TNFSF4: variants seen among roughly 807,000 people sequenced by gnomAD.
The protein encoded by TNFSF4 is TNF superfamily member 4, also known as tumor necrosis factor ligand superfamily member 4.
A neutral mutation model predicts 7.3 loss-of-function variants in TNFSF4; 4 were observed. The ratio of observed to expected loss-of-function variants is 0.55; its 90% CI spans 0.27 to 1.25. The LOEUF is 1.25. Ranked by LOEUF, TNFSF4 falls within the 50% of genes most tolerant of loss-of-function variation. The probability of loss-of-function intolerance (pLI) is 0.12; values close to 1 mark genes in which losing one functional copy is unlikely to be tolerated. For synonymous variants in TNFSF4, 76 were observed against 83.7 expected (o/e 0.91, Z 0.50); for missense variants, 181 against 208.8 (o/e 0.87, Z 0.82).
chr1:173,382,287 T>C, the TNFSF4 span, among the ~76,000 whole-genome samples: 6 of 152,046 alleles, frequency 3.9e-5, no homozygotes, highest in South Asian at 2.1e-4. Context: ...GAAATCAAGC[T>C]AGACCACGAA....
At chr1:173,366,234 T>C in the TNFSF4 span, among the ~76,000 whole-genome samples, 2,362 of 152,234 alleles carry the variant, frequency 0.016, 70 homozygotes, top group African/African-American at 0.054. Context: ...CTAGTGTCTA[T>C]CAACAGATGA....
At chr1:173,196,531 TCTA>T (rs1339693874) in intron 1 of TNFSF4, among the ~76,000 whole-genome samples, 1 of 152,098 alleles carries the variant, frequency 6.6e-6, no homozygotes. Flanking sequence ...TCTCATCGAG[TCTA>T]CTAAGTAACG....
the TNFSF4 span, among the ~76,000 whole-genome samples, chr1:173,337,277 T>C: frequency 6.6e-6 from 1 of 152,156 alleles, no homozygotes. Flanking sequence ...GGTTGCTTAA[T>C]TATGGGCCAC....
chr1:173,379,049 T>C, the TNFSF4 span, among the ~76,000 whole-genome samples: 1 of 152,038 alleles, frequency 6.6e-6, no homozygotes, highest in Admixed American at 6.6e-5. Flanking sequence ...CTACAGGGTC[T>C]AGGGCAAACC....
At chr1:173,294,470 T>C in the TNFSF4 span, among the ~76,000 whole-genome samples, 1 of 151,884 alleles carries the variant, frequency 6.6e-6, no homozygotes, top group African/African-American at 2.4e-5. Context: ...GGGTCATAGA[T>C]GAGGGTTCAA....
At chr1:173,401,042 A>T in the TNFSF4 span, among the ~76,000 whole-genome samples, 1 of 152,138 alleles carries the variant, frequency 6.6e-6, no homozygotes, top group African/African-American at 2.4e-5. Context: ...ATACATATAT[A>T]TTTGCTTTCT....
At chr1:173,403,018 A>G in the TNFSF4 span, among the ~76,000 whole-genome samples, 3 of 152,092 alleles carry the variant, frequency 2.0e-5, no homozygotes, top group Non-Finnish European at 4.4e-5. Context: ...ATACCCAGCT[A>G]ATTTTTTATT....
At chr1:173,397,547 C>T in the TNFSF4 span, among the ~76,000 whole-genome samples, 1 of 152,152 alleles carries the variant, frequency 6.6e-6, no homozygotes, top group African/African-American at 2.4e-5. Flanking sequence ...CTCAGTTCAT[C>T]TCATAGTGGG....
the TNFSF4 span, among the ~76,000 whole-genome samples, chr1:173,320,878 G>A: frequency 0.48 from 72,379 of 152,052 alleles, 18,786 homozygotes; most frequent in African/African-American, 0.69. Context: ...GGAAGAATCC[G>A]TATTGTGAAG....
chr1:173,281,988 G>A, the TNFSF4 span, among the ~76,000 whole-genome samples: 1 of 152,122 alleles, frequency 6.6e-6, no homozygotes, highest in African/African-American at 2.4e-5. Flanking sequence ...TCAAAAATCT[G>A]TTTTTTCAAA....
the TNFSF4 span, among the ~76,000 whole-genome samples, chr1:173,255,208 TC>T: frequency 2.0e-5 from 3 of 152,184 alleles, no homozygotes; most frequent in Non-Finnish European, 2.9e-5. Context: ...ACAGCATGTG[TC>T]TTTGTGCCTT....
the TNFSF4 span, among the ~76,000 whole-genome samples, chr1:173,427,414 G>A: frequency 6.6e-6 from 1 of 151,482 alleles, no homozygotes; most frequent in Non-Finnish European, 1.5e-5. Context: ...GGGAGAGCCC[G>A]CCCCCCCACT....
At chr1:173,364,372 G>C in the TNFSF4 span, among the ~76,000 whole-genome samples, 1 of 132,016 alleles carries the variant, frequency 7.6e-6, no homozygotes, top group South Asian at 2.5e-4. Context: ...TATATATTGG[G>C]GTGTATGTGT....
At chr1:173,343,198 T>C in the TNFSF4 span, among the ~76,000 whole-genome samples, 1 of 152,048 alleles carries the variant, frequency 6.6e-6, no homozygotes, top group African/African-American at 2.4e-5. Flanking sequence ...GGGGAGTAAA[T>C]GAAATAAATA....
intron 1 of TNFSF4, among the ~76,000 whole-genome samples, chr1:173,191,372 T>C (rs1649469575): frequency 6.6e-6 from 1 of 152,164 alleles, no homozygotes; most frequent in East Asian, 1.9e-4. Context: ...CTCAGAAGTC[T>C]CTTACTAACA....
the TNFSF4 span, among the ~76,000 whole-genome samples, chr1:173,444,542 A>T: frequency 3.3e-5 from 5 of 152,088 alleles, no homozygotes; most frequent in Non-Finnish European, 2.9e-5. Context: ...GAAAACTTTC[A>T]AATTTTCTGT....
chr1:173,326,526 G>T, the TNFSF4 span, among the ~76,000 whole-genome samples: 1 of 152,114 alleles, frequency 6.6e-6, no homozygotes, highest in African/African-American at 2.4e-5. Flanking sequence ...GGGCAATCAG[G>T]CAGGAGAAGG....
chr1:173,404,839 C>T, the TNFSF4 span, among the ~76,000 whole-genome samples: 1 of 152,008 alleles, frequency 6.6e-6, no homozygotes, highest in Non-Finnish European at 1.5e-5. Context: ...ACCATGTTGG[C>T]CAAGCTGGTC....
the TNFSF4 span, among the ~76,000 whole-genome samples, chr1:173,311,720 G>C: frequency 6.6e-6 from 1 of 152,048 alleles, no homozygotes; most frequent in Non-Finnish European, 1.5e-5. Context: ...CCAGAACCAG[G>C]AAGAGCCCCT....
Sources: allele counts gnomAD v4.1 joint callset (sites outside exome capture counted in the v4.1 genomes callset), GRCh38; gene constraint gnomAD v4.1.1; transcripts MANE v1.5; gene names NCBI Gene and HGNC (gene_info 2026-07-23, HGNC 2026-07-21).